The following THSD7B variants were observed in gnomAD, a reference collection of about 807,000 sequenced individuals.
THSD7B encodes the protein thrombospondin type-1 domain-containing protein 7B.
Under a neutral mutation model 213.6 loss-of-function variants are expected in THSD7B, and 138 were observed. The observed-to-expected ratio is 0.65, with a 90% CI of 0.56 to 0.74. The LOEUF (loss-of-function observed/expected upper bound fraction) is 0.74. THSD7B is among the 30% of genes least tolerant of loss of function. THSD7B has a pLI of 0.00. For synonymous variants in THSD7B, 742 were observed against 687.0 expected, an observed-to-expected ratio of 1.08 and a Z score of -1.25; for missense variants, 1,931 against 1,991.5, an observed-to-expected ratio of 0.97 and a Z score of 0.58.
At chr2:137,639,509 C>T (rs1682899113) in intron 20 of THSD7B, among the ~76,000 whole-genome samples, 1 of 152,122 alleles carries the variant, frequency 6.6e-6, no homozygotes, top group African/African-American at 2.4e-5. Flanking sequence ...TGGGGTGCTG[C>T]CTAGTGGAGC....
intron 5 of THSD7B, among the ~76,000 whole-genome samples, chr2:137,153,456 A>G (rs1390890228): frequency 6.6e-6 from 1 of 152,178 alleles, no homozygotes; most frequent in African/African-American, 2.4e-5. Context: ...ATTGTATTGC[A>G]TGGTACTTTG....
At chr2:137,388,008 G>A (rs1215026602) in intron 12 of THSD7B, among the ~76,000 whole-genome samples, 1 of 152,122 alleles carries the variant, frequency 6.6e-6, no homozygotes, top group Non-Finnish European at 1.5e-5. Flanking sequence ...ATTTGTAATT[G>A]TTCACAGCAG....
intron 17 of THSD7B, among the ~76,000 whole-genome samples, chr2:137,596,909 C>G (rs1681971724): frequency 6.6e-6 from 1 of 151,924 alleles, no homozygotes; most frequent in African/African-American, 2.4e-5. Flanking sequence ...TTATGTATAA[C>G]TGTAAGGGAT....
chr2:137,036,733 G>A (rs556479162), intron 2 of THSD7B, among the ~76,000 whole-genome samples: 1 of 152,152 alleles, frequency 6.6e-6, no homozygotes, highest in Non-Finnish European at 1.5e-5. Context: ...GCAGATACAA[G>A]GTAACTTTTA....
intron 1 of THSD7B, among the ~76,000 whole-genome samples, chr2:136,802,728 A>G (rs2104923389): frequency 7.1e-6 from 1 of 140,876 alleles, no homozygotes; most frequent in East Asian, 2.1e-4. Flanking sequence ...GGCAAAGCCT[A>G]CTATGATTTG....
intron 2 of THSD7B, among the ~76,000 whole-genome samples, chr2:136,922,425 G>T (rs1279383400): frequency 6.6e-6 from 1 of 152,170 alleles, no homozygotes; most frequent in Non-Finnish European, 1.5e-5. Flanking sequence ...AAAAGGAGGT[G>T]TGTTTCATAA....
chr2:137,440,705 G>T (rs6756722), intron 14 of THSD7B, among the ~76,000 whole-genome samples: 1 of 152,020 alleles, frequency 6.6e-6, no homozygotes, highest in African/African-American at 2.4e-5. Context: ...TTGCACTCCT[G>T]TCCTTATAAG....
intron 2 of THSD7B, among the ~76,000 whole-genome samples, chr2:136,978,512 C>T (rs1358668575): frequency 6.6e-6 from 1 of 152,168 alleles, no homozygotes; most frequent in African/African-American, 2.4e-5. Context: ...GTTAGCACTT[C>T]TTGTTGAATT....
In THSD7B at chr2:137,352,685, C is replaced by T. The variant is rs146084225; in HGVS notation, c.2501-52928C>T. Among the ~76,000 whole-genome samples, 1,057 of 151,996 alleles carry T rather than the reference C, an allele frequency of 7.0e-3. 5 individuals are homozygous for T. The highest frequency in any genetic ancestry group is 0.011 in the Non-Finnish European group (758 of 67,948). On this transcript the variant is annotated intron_variant, in intron 12 of 27. Transcript: ENST00000409968. ...GTACCATATTGTATGTCCCTGACAC[C>T]GCCCTCTAATTATGGACCACGTGTC...
At chr2:137,439,196 T>C (rs958932553) in intron 14 of THSD7B, among the ~76,000 whole-genome samples, 1 of 152,100 alleles carries the variant, frequency 6.6e-6, no homozygotes, top group Non-Finnish European at 1.5e-5. Context: ...TTTTTTAAAC[T>C]ACCAAGTTTC....
chr2:137,282,189 G>A (rs9711761), intron 12 of THSD7B, among the ~76,000 whole-genome samples: 14,780 of 151,846 alleles, frequency 0.097, 1,194 homozygotes, highest in East Asian at 0.42. Context: ...TTTTTTGGCT[G>A]CATAAATGTC....
At chr2:137,517,132 T>C (rs553181323) in intron 15 of THSD7B, among the ~76,000 whole-genome samples, 1 of 152,208 alleles carries the variant, frequency 6.6e-6, no homozygotes, top group Non-Finnish European at 1.5e-5. Context: ...TTCCTGTCCA[T>C]AAGGCCAACC....
intron 7 of THSD7B, among the ~76,000 whole-genome samples, chr2:137,225,708 G>A (rs1174657189): frequency 6.6e-6 from 1 of 152,092 alleles, no homozygotes; most frequent in Non-Finnish European, 1.5e-5. Flanking sequence ...AATATCAGAT[G>A]CTATTGTTAT....
chr2:137,084,874 C>A (rs375043161), intron 3 of THSD7B, among the ~76,000 whole-genome samples: 1 of 152,166 alleles, frequency 6.6e-6, no homozygotes, highest in Non-Finnish European at 1.5e-5. Context: ...CTGACAAATA[C>A]AAGATTATTG....
intron 2 of THSD7B, among the ~76,000 whole-genome samples, chr2:137,014,857 G>C (rs897658539): frequency 1.3e-5 from 2 of 151,992 alleles, no homozygotes. Context: ...GCATCAGCCA[G>C]CTGTCTCTTC....
intron 15 of THSD7B, among the ~76,000 whole-genome samples, chr2:137,491,340 C>G (rs1425402847): frequency 6.6e-6 from 1 of 152,144 alleles, no homozygotes; most frequent in Non-Finnish European, 1.5e-5. Context: ...ATGGAAAAGA[C>G]TATCAGGAAT....
rs141980472 is a variant in THSD7B at position 137,045,357 on chromosome 2, A to G, written c.140-11063A>G. Among the ~76,000 whole-genome samples, 398 of 152,294 alleles carry G rather than the reference A, an allele frequency of 2.6e-3. 4 individuals are homozygous for G. Among genetic ancestry groups the G allele is most frequent in the African/African-American group, 8.6e-3 (359 of 41,568 alleles). On this transcript the variant is annotated intron_variant, in intron 2 of 27. Coordinates refer to ENST00000409968, the MANE Select transcript of THSD7B (RefSeq NM_001316349.2). ...AAGCACTGCCATACTGCAACATTCA[A>G]TCTTGTAACCCAGAGGGCTGCTAAG...
In THSD7B at chr2:137,676,763, T is replaced by C. The variant is rs1683712052; in HGVS notation, c.*158T>C. On this transcript the variant is annotated 3_prime_UTR_variant, in exon 28 of 28. Transcript: ENST00000409968. Reference sequence around the variant, plus strand: ...ATATTGCCTCAACTTCATTTGGACATGGAGTCAAGGATTATTAGGTCTGCC... The same window carrying C: ...ATATTGCCTCAACTTCATTTGGACACGGAGTCAAGGATTATTAGGTCTGCC... 3 of 589,034 alleles carry C rather than the reference T, an allele frequency of 5.1e-6. No homozygotes were observed. Among genetic ancestry groups the C allele is most frequent in the Non-Finnish European group, 8.0e-6 (3 of 374,282 alleles). The allele number at this position is 589,034 out of a possible 1,614,324, so 36.5% of individuals were successfully genotyped here. A position where few individuals can be genotyped will look rare whatever the true frequency, so the allele number is the denominator to read the frequency against.
chr2:137,418,180 C>T (rs1006817297), intron 14 of THSD7B, among the ~76,000 whole-genome samples: 1 of 152,136 alleles, frequency 6.6e-6, no homozygotes, highest in Non-Finnish European at 1.5e-5. Flanking sequence ...CACTTTTCTC[C>T]AGCCCTGTTG....
Sources: gnomAD v4.1 joint callset for allele counts (sites outside exome capture counted in the v4.1 genomes callset) on GRCh38, gnomAD v4.1.1 for gene constraint, MANE v1.5 for transcripts, NCBI Gene and HGNC (gene_info 2026-07-23, HGNC 2026-07-21) for gene names.